Variants in TRAPPC12 observed in about 807,000 individuals in gnomAD.
TRAPPC12 encodes trafficking protein particle complex subunit 12, also known as TPR repeat protein 15.
In TRAPPC12, 61 loss-of-function variants were observed where a neutral mutation model predicts 69.2. The ratio of observed to expected loss-of-function variants is 0.88; its 90% confidence interval spans 0.72 to 1.09. The LOEUF (loss-of-function observed/expected upper bound fraction) is 1.09, where lower values mean the gene tolerates loss of function less well. TRAPPC12 is among the 50% of genes least tolerant of loss of function. The probability of loss-of-function intolerance (pLI) is 0.00; values close to 1 mark genes in which losing one functional copy is unlikely to be tolerated. For missense variants in TRAPPC12, 1,101 were observed against 1,016.4 expected (o/e 1.08, Z -1.13); for synonymous variants, 469 against 438.9 (o/e 1.07, Z -0.86).
intron 5 of TRAPPC12, among the ~76,000 whole-genome samples, chr2:3,425,250 A>G (rs1663037401): frequency 6.6e-6 from 1 of 152,078 alleles, no homozygotes. Context: ...CAGCACTGGG[A>G]GCCTTGTGCA....
intron 9 of TRAPPC12, among the ~76,000 whole-genome samples, chr2:3,467,163 C>T (rs533416242): frequency 4.7e-4 from 72 of 152,268 alleles, no homozygotes; most frequent in African/African-American, 1.3e-3. Flanking sequence ...CCCCATCTGG[C>T]GCACAGAATG....
At position 3,443,813 on chromosome 2, in the gene TRAPPC12, C is replaced by T. The variant is rs776499786; in HGVS notation, c.1452C>T (p.His484=). The T allele has an allele frequency of 6.2e-6, 10 of 1,614,134 alleles. No individual in the cohort carries two copies. Among genetic ancestry groups the T allele is most frequent in the Non-Finnish European group, 8.5e-6 (10 of 1,180,046 alleles). ...TCCCCTTCTCGATGCGCATCTTGCA[C>T]GCGGAGCTTCAGCAGTACCTGGGGA... ...SMVPFSMRIL[H]AELQQYLGNP... The change falls in exon 6 of 12, where the codon CAC becomes CAT. Residue 484 remains histidine, a synonymous_variant. Transcript: ENST00000324266.
At chr2:3,450,561 C>T (rs904582629) in intron 6 of TRAPPC12, among the ~76,000 whole-genome samples, 2 of 152,156 alleles carry the variant, frequency 1.3e-5, no homozygotes, top group Non-Finnish European at 2.9e-5. Context: ...GGCGAGGGGG[C>T]GCACGTCAGT....
intron 6 of TRAPPC12, among the ~76,000 whole-genome samples, chr2:3,448,620 A>C (rs565825052): frequency 7.6e-6 from 1 of 131,638 alleles, no homozygotes; most frequent in Non-Finnish European, 1.6e-5. Flanking sequence ...TAGGGCGTCT[A>C]GAGCAGCCGG....
intron 3 of TRAPPC12, among the ~76,000 whole-genome samples, chr2:3,418,990 C>T (rs999704238): frequency 7.9e-5 from 12 of 152,222 alleles, no homozygotes; most frequent in South Asian, 4.1e-4. Flanking sequence ...CCCTCCGGCC[C>T]GCTGGTCCTT....
At chr2:3,470,376 C>T (rs894634226) in intron 9 of TRAPPC12, among the ~76,000 whole-genome samples, 64 of 152,268 alleles carry the variant, frequency 4.2e-4, no homozygotes, top group African/African-American at 1.5e-3. Flanking sequence ...CGCTGCTGTG[C>T]GTGGTTCGCA....
chr2:3,455,408 CTT>C, intron 6 of TRAPPC12: 1 of 152,266 alleles, frequency 6.6e-6, no homozygotes, highest in East Asian at 1.9e-4. Flanking sequence ...TTAACGTACA[CTT>C]AAATTACTGT....
intron 4 of TRAPPC12, among the ~76,000 whole-genome samples, chr2:3,422,565 A>G (rs1033053559): frequency 6.6e-6 from 1 of 152,222 alleles, no homozygotes; most frequent in Admixed American, 6.5e-5. Flanking sequence ...TCTAGCTTAC[A>G]TGGGAATCCC....
At chr2:3,381,577 C>G (rs542854524) in intron 1 of TRAPPC12, among the ~76,000 whole-genome samples, 2 of 152,154 alleles carry the variant, frequency 1.3e-5, no homozygotes, top group South Asian at 4.1e-4. Flanking sequence ...AAAAATAAAG[C>G]CAATGATAGG....
intron 3 of TRAPPC12, among the ~76,000 whole-genome samples, chr2:3,421,032 C>T (rs1418262716): frequency 1.3e-5 from 2 of 152,232 alleles, no homozygotes; most frequent in African/African-American, 4.8e-5. Context: ...CTTGCAGTCT[C>T]TGTCAGGCAG....
chr2:3,387,501 T>C (rs1660545856), intron 1 of TRAPPC12, 119 bp from the exon 2 acceptor site: 1 of 849,692 alleles, frequency 1.2e-6, no homozygotes, highest in South Asian at 2.0e-5. Context: ...CAAAAGCACA[T>C]GGATAAGAAG....
intron 1 of TRAPPC12, among the ~76,000 whole-genome samples, chr2:3,381,610 G>C (rs565147116): frequency 6.6e-6 from 1 of 152,128 alleles, no homozygotes; most frequent in African/African-American, 2.4e-5. Context: ...TTTCTATCAC[G>C]TACAAATCAA....
intron 1 of TRAPPC12, among the ~76,000 whole-genome samples, chr2:3,383,554 C>A (rs966329278): frequency 6.6e-6 from 1 of 151,736 alleles, no homozygotes; most frequent in Non-Finnish European, 1.5e-5. Context: ...TTACAGGTGC[C>A]CGCCACCACA....
intron 1 of TRAPPC12, among the ~76,000 whole-genome samples, chr2:3,384,837 A>G (rs566040700): frequency 1.3e-5 from 2 of 152,334 alleles, no homozygotes; most frequent in African/African-American, 4.8e-5. Flanking sequence ...AATTATCTGT[A>G]CGGAATCTTT....
At chr2:3,402,153 GC>G (rs1409721294) in intron 3 of TRAPPC12, among the ~76,000 whole-genome samples, 4 of 152,124 alleles carry the variant, frequency 2.6e-5, no homozygotes, top group Non-Finnish European at 4.4e-5. Context: ...GATTGAGTTT[GC>G]TTCATCATAT....
chr2:3,465,370 C>T (rs991217604), intron 8 of TRAPPC12, among the ~76,000 whole-genome samples: 1 of 152,174 alleles, frequency 6.6e-6, no homozygotes. Context: ...GGCAGGACCC[C>T]GCCGTTGCGA....
chr2:3,474,985 T>C (rs1336881591), intron 9 of TRAPPC12, among the ~76,000 whole-genome samples: 2 of 152,222 alleles, frequency 1.3e-5, no homozygotes, highest in Non-Finnish European at 2.9e-5. Flanking sequence ...TCGCACAGAG[T>C]AAAAGACAGT....
At chr2:3,456,959 C>G (rs575867842) in intron 6 of TRAPPC12, 37 of 384,610 alleles carry the variant, frequency 9.6e-5, no homozygotes, top group South Asian at 7.3e-4. Flanking sequence ...ACTTCAAGAA[C>G]ATCATAAACA....
chr2:3,473,582 C>CCTCAGCCTCCCGAGGCTGGGAG (rs1255311949), intron 9 of TRAPPC12, among the ~76,000 whole-genome samples: 2 of 152,146 alleles, frequency 1.3e-5, no homozygotes, highest in African/African-American at 4.8e-5. Context: ...TGGGCTCAAG[C>CCTCAGCCTCCCGAGGCTGGGAG]AATCCTCCCG....
Sources: gnomAD v4.1 joint callset for allele counts (sites outside exome capture counted in the v4.1 genomes callset) on GRCh38, gnomAD v4.1.1 for gene constraint, MANE v1.5 for transcripts, NCBI Gene and HGNC (gene_info 2026-07-23, HGNC 2026-07-21) for gene names.